The following ARAP2 variants were observed in gnomAD, a reference collection of about 807,000 sequenced individuals.
ARAP2 encodes the protein arf-GAP with Rho-GAP domain, ANK repeat and PH domain-containing protein 2.
ARAP2 carries 148 observed loss-of-function variants against 194.5 expected under a neutral mutation model. That is an observed-to-expected ratio of 0.76 (90% CI 0.67 to 0.87). The LOEUF (loss-of-function observed/expected upper bound fraction) is 0.87, where lower values mean the gene tolerates loss of function less well. Ranked by LOEUF, ARAP2 falls within the 40% of genes least tolerant of loss-of-function variation. The probability of loss-of-function intolerance (pLI) is 0.00; values close to 1 mark genes in which losing one functional copy is unlikely to be tolerated. For missense variants in ARAP2, 2,128 were observed against 1,989.7 expected, an observed-to-expected ratio of 1.07 and a Z score of -1.32; for synonymous variants, 695 against 683.5, an observed-to-expected ratio of 1.02 and a Z score of -0.26.
At chr4:36,205,706 C>A (rs1745399589) in intron 6 of ARAP2, among the ~76,000 whole-genome samples, 1 of 152,084 alleles carries the variant, frequency 6.6e-6, no homozygotes, top group Non-Finnish European at 1.5e-5. Context: ...CTTGACCTCA[C>A]ACATTTATGT....
At chr4:36,085,168 C>T (rs1313615069) in intron 28 of ARAP2, among the ~76,000 whole-genome samples, 2 of 151,862 alleles carry the variant, frequency 1.3e-5, no homozygotes, top group Non-Finnish European at 2.9e-5. Context: ...ATATTCTATC[C>T]AAATTGCTCT....
At chr4:36,188,916 A>G (rs1741212783) in intron 7 of ARAP2, among the ~76,000 whole-genome samples, 1 of 152,142 alleles carries the variant, frequency 6.6e-6, no homozygotes, top group East Asian at 1.9e-4. Context: ...AAGGAGATAC[A>G]CTATATCATC....
At chr4:36,022,107 T>C (rs1046714543) in intron 5 of ARAP2, among the ~76,000 whole-genome samples, 4 of 152,182 alleles carry the variant, frequency 2.6e-5, no homozygotes, top group Non-Finnish European at 5.9e-5. Context: ...AAATATGTAA[T>C]ATGGTCTCAT....
intron 6 of ARAP2, among the ~76,000 whole-genome samples, chr4:36,204,166 G>C (rs1290246174): frequency 6.6e-6 from 1 of 152,092 alleles, no homozygotes; most frequent in Non-Finnish European, 1.5e-5. Context: ...AGGAATTCTA[G>C]AAAGAAGAAA....
chr4:36,175,419 C>T (rs369576092), intron 9 of ARAP2, among the ~76,000 whole-genome samples: 2 of 152,100 alleles, frequency 1.3e-5, no homozygotes, highest in East Asian at 3.8e-4. Context: ...GGGCAACTTT[C>T]CTCTGGGGAA....
chr4:36,094,965 C>A (rs1193562442), intron 27 of ARAP2, among the ~76,000 whole-genome samples: 1 of 152,108 alleles, frequency 6.6e-6, no homozygotes, highest in African/African-American at 2.4e-5. Context: ...ATTAAAAGAT[C>A]AAAAATATCT....
At chr4:36,232,699 C>T (rs1296320111) in intron 1 of ARAP2, among the ~76,000 whole-genome samples, 1 of 152,200 alleles carries the variant, frequency 6.6e-6, no homozygotes, top group East Asian at 1.9e-4. Context: ...CAGGTATTAC[C>T]TCCTCTGTGA....
At chr4:36,221,376 G>A (rs572803012) in intron 2 of ARAP2, among the ~76,000 whole-genome samples, 11 of 151,934 alleles carry the variant, frequency 7.2e-5, no homozygotes, top group East Asian at 5.8e-4. Flanking sequence ...ATTATTATCC[G>A]CATTTTTAAA....
intron 13 of ARAP2, 101 bp from the exon 14 acceptor site, chr4:36,159,606 G>A (rs1322665687): frequency 9.4e-7 from 1 of 1,064,662 alleles, no homozygotes. Context: ...GATAAAGTCT[G>A]TATTCCTTTT....
At chr4:36,193,868 AAATT>A (rs1333664571) in intron 6 of ARAP2, among the ~76,000 whole-genome samples, 1 of 152,220 alleles carries the variant, frequency 6.6e-6, no homozygotes. Context: ...GTTAATGACA[AAATT>A]AACAGCGTTG....
intron 5 of ARAP2, among the ~76,000 whole-genome samples, chr4:36,035,908 T>G (rs1424941166): frequency 2.0e-5 from 3 of 152,188 alleles, no homozygotes; most frequent in Non-Finnish European, 4.4e-5. Flanking sequence ...ATTTCTCAAC[T>G]GTTATACAGT....
intron 9 of ARAP2, among the ~76,000 whole-genome samples, chr4:36,176,160 G>A (rs766277058): frequency 3.3e-5 from 5 of 152,032 alleles, no homozygotes; most frequent in African/African-American, 9.7e-5. Flanking sequence ...ATACTGTTCC[G>A]GTTTTAAACT....
intron 22 of ARAP2, among the ~76,000 whole-genome samples, chr4:36,123,021 G>A (rs1226794498): frequency 6.6e-6 from 1 of 151,752 alleles, no homozygotes; most frequent in African/African-American, 2.4e-5. Flanking sequence ...ATACCAAATT[G>A]CATAGCAGAG....
At chr4:36,192,582 G>A (rs114919419) in intron 7 of ARAP2, among the ~76,000 whole-genome samples, 161 of 152,256 alleles carry the variant, frequency 1.1e-3, no homozygotes, top group African/African-American at 3.7e-3. Context: ...ACAGGTGCTG[G>A]AGAAAACCAG....
intron 19 of ARAP2, among the ~76,000 whole-genome samples, chr4:36,142,071 C>T (rs186485008): frequency 6.6e-6 from 1 of 151,770 alleles, no homozygotes; most frequent in Admixed American, 6.6e-5. Flanking sequence ...TATTCTCTAT[C>T]TTGGCAAATG....
At chr4:36,163,416 G>T (rs1444996644) in intron 11 of ARAP2, among the ~76,000 whole-genome samples, 2 of 152,122 alleles carry the variant, frequency 1.3e-5, no homozygotes, top group African/African-American at 2.4e-5. Context: ...GGTAAAATAC[G>T]TTGGTAAATG....
At chr4:36,193,467 T>C (rs1052564074) in intron 7 of ARAP2, 111 bp downstream of exon 7, 1 of 575,398 alleles carries the variant, frequency 1.7e-6, no homozygotes, top group African/African-American at 1.9e-5. Flanking sequence ...CAACTTCAAA[T>C]TCTTTTCATG....
At chr4:36,169,721 AC>A (rs1185138628) in intron 9 of ARAP2, among the ~76,000 whole-genome samples, 1 of 151,934 alleles carries the variant, frequency 6.6e-6, no homozygotes, top group African/African-American at 2.4e-5. Flanking sequence ...TTTAGTAGAG[AC>A]GGGGTTTCAC....
rs184294676 is a variant in ARAP2 at position 36,093,665 on chromosome 4, A to C, written c.4286-1645T>G. 7.9e-5 allele frequency among the ~76,000 whole-genome samples: 12 copies of C among 152,282 alleles called. No individual in the cohort carries two copies. In the East Asian group the frequency reaches 2.1e-3, roughly 27 times the overall value. ...ATTTTGGATTCAGGGGTACATGTGC[A>C]GGTTTGTTACAACGGTGTGTAACGC... On this transcript the variant is annotated intron_variant, in intron 27 of 32. Transcript: ENST00000303965.
Sources: allele counts gnomAD v4.1 joint callset (sites outside exome capture counted in the v4.1 genomes callset), GRCh38; gene constraint gnomAD v4.1.1; transcripts MANE v1.5; gene names NCBI Gene and HGNC (gene_info 2026-07-23, HGNC 2026-07-21).